Variants in COG4 observed in about 807,000 individuals in gnomAD.
COG4 encodes component of oligomeric golgi complex 4, also known as conserved oligomeric Golgi complex subunit 4.
Under a neutral mutation model 95.1 loss-of-function variants are expected in COG4, and 65 were observed. The ratio of observed to expected loss-of-function variants is 0.68; its 90% CI spans 0.56 to 0.84. COG4 has a LOEUF of 0.84. Ranked by LOEUF, COG4 falls within the 40% of genes least tolerant of loss-of-function variation. The pLI, the probability that COG4 is intolerant of heterozygous loss-of-function variation, is 0.00. For synonymous variants in COG4, 421 were observed against 374.8 expected (o/e 1.12, Z -1.42); for missense variants, 1,045 against 989.1 (o/e 1.06, Z -0.76).
intron 11 of COG4, 95 bp from the exon 12 acceptor site, chr16:70,496,526 G>T (rs2049343593): frequency 1.5e-6 from 2 of 1,299,178 alleles, no homozygotes; most frequent in Non-Finnish European, 2.2e-6. Context: ...AGCAGCACAA[G>T]GTGCTCTTTT....
rs371188403 is a variant in COG4 at position 70,498,410 on chromosome 16, C to A, written c.1196-355G>T. 3.2e-4 allele frequency among the ~76,000 whole-genome samples: 48 copies of A among 151,976 alleles called. No homozygotes were observed. The South Asian group carries it at 9.9e-3, about 31-fold the overall frequency. On this transcript the variant is annotated intron_variant, in intron 9 of 18. Transcript: ENST00000323786. ...ATGGCGTGATCTTGGCTCACCGCAA[C>A]CCCTGCCTCCCAGGTTCAAACAATT...
chr16:70,488,278 C>T (rs547511492), intron 13 of COG4, among the ~76,000 whole-genome samples: 35 of 151,926 alleles, frequency 2.3e-4, no homozygotes, highest in Non-Finnish European at 4.4e-4. Flanking sequence ...GTATTACAGG[C>T]GCCCGCCACC....
At chr16:70,516,576 G>T (rs967052931) in intron 3 of COG4, among the ~76,000 whole-genome samples, 1 of 152,028 alleles carries the variant, frequency 6.6e-6, no homozygotes. Context: ...GACTACAGGC[G>T]TGAGCCACCG....
At chr16:70,492,412 A>G (rs2049262255) in intron 12 of COG4, among the ~76,000 whole-genome samples, 1 of 152,146 alleles carries the variant, frequency 6.6e-6, no homozygotes, top group Non-Finnish European at 1.5e-5. Flanking sequence ...TAATCACAGC[A>G]GTTTGGGAGG....
chr16:70,498,040 A>G lies in COG4; in HGVS notation c.1211T>C (p.Leu404Pro). 6.2e-7 allele frequency: 1 copy of G among 1,612,222 alleles called. No homozygotes were observed. The highest frequency in any genetic ancestry group is 8.5e-7 in the Non-Finnish European group (1 of 1,178,228). Residue 404 changes from leucine (L) to proline (P), a missense_variant, in exon 10 of 19, where the codon CTG (leucine) becomes CCG (proline). Leu to Pro is a moderately conservative substitution (Grantham distance 98, BLOSUM62 -3). Transcript: ENST00000323786. Reference sequence around the variant, plus strand: ...AAGGCAGTTATTGAGGAGTTTGTCCAGACACTTCTGGTGCTCTAGGGGACA... The same window carrying G: ...AAGGCAGTTATTGAGGAGTTTGTCCGGACACTTCTGGTGCTCTAGGGGACA... ...EEVKQEHQKC[L>P]DKLLNNCLLS...
At chr16:70,500,815 T>C in intron 9 of COG4, 143 bp downstream of exon 9, 1 of 948,954 alleles carries the variant, frequency 1.1e-6, no homozygotes, top group Non-Finnish European at 1.7e-6. Context: ...TTTAGATTTC[T>C]TCCTGGGAGT....
intron 3 of COG4, 29 bp downstream of exon 3, chr16:70,517,597 A>G: frequency 8.5e-7 from 1 of 1,179,696 alleles, no homozygotes; most frequent in African/African-American, 1.6e-5. Context: ...CAAAAAAAAA[A>G]AAAAAAAAAA....
At chr16:70,492,467 T>C (rs1254771370) in intron 12 of COG4, among the ~76,000 whole-genome samples, 2 of 152,016 alleles carry the variant, frequency 1.3e-5, no homozygotes, top group Non-Finnish European at 2.9e-5. Flanking sequence ...GGGACTAGCC[T>C]GACCAACATG....
At chr16:70,522,066 T>C (rs2049957795) in intron 1 of COG4, among the ~76,000 whole-genome samples, 1 of 139,016 alleles carries the variant, frequency 7.2e-6, no homozygotes, top group Non-Finnish European at 1.6e-5. Flanking sequence ...GGCGCTATCT[T>C]GGTTCACTGC....
intron 13 of COG4, among the ~76,000 whole-genome samples, chr16:70,485,595 T>G (rs1015597619): frequency 2.8e-4 from 42 of 150,510 alleles, no homozygotes; most frequent in Admixed American, 1.8e-3. Flanking sequence ...TTGTTTTTTT[T>G]TTTTTTTTGA....
chr16:70,498,149 T>C, intron 9 of COG4, 94 bp from the exon 10 acceptor site: 1 of 769,506 alleles, frequency 1.3e-6, no homozygotes, highest in South Asian at 1.4e-5. Context: ...ATAGTCTTTC[T>C]TTGAAATATG....
intron 12 of COG4, among the ~76,000 whole-genome samples, chr16:70,496,058 C>A (rs1199958589): frequency 6.6e-6 from 1 of 152,194 alleles, no homozygotes; most frequent in African/African-American, 2.4e-5. Context: ...CAGCCTCTAT[C>A]GTGGCTCAGG....
At chr16:70,485,138 G>C (rs923466491) in intron 13 of COG4, among the ~76,000 whole-genome samples, 3 of 151,890 alleles carry the variant, frequency 2.0e-5, no homozygotes, top group Non-Finnish European at 4.4e-5. Flanking sequence ...GTGAGGCCAA[G>C]GTAGGAGGAT....
Position 70,496,320 on chromosome 16 carries a change from G to C in COG4, c.1593C>G (p.Gly531=). 2 of 1,614,172 alleles carry C rather than the reference G, an allele frequency of 1.2e-6. No homozygotes were observed. Among genetic ancestry groups the C allele is most frequent in the Non-Finnish European group, 1.7e-6 (2 of 1,180,040 alleles). The change falls in exon 12 of 19, where the codon GGC becomes GGG. Residue 531 remains glycine, a synonymous_variant. Transcript: ENST00000323786. ...TCTCGATGCCTTTTGTGTCAAATTT[G>C]CCTTGCTGGAGGCTGCTGTGCATGA... ...VNIMHSSLQQ[G]KFDTKGIEST... is the part of the protein sequence containing the mutation.
intron 13 of COG4, among the ~76,000 whole-genome samples, chr16:70,488,554 A>G (rs983361712): frequency 2.0e-5 from 3 of 150,970 alleles, no homozygotes; most frequent in Non-Finnish European, 3.0e-5. Context: ...CCACCCAGCT[A>G]TTGTTATTTT....
intron 8 of COG4, among the ~76,000 whole-genome samples, chr16:70,504,835 C>T (rs904144366): frequency 7.4e-5 from 11 of 149,178 alleles, no homozygotes; most frequent in Non-Finnish European, 1.0e-4. Context: ...TGCTTGAACC[C>T]GGGAGGCGTA....
At chr16:70,493,705 C>T (rs2049289313) in intron 12 of COG4, among the ~76,000 whole-genome samples, 1 of 152,096 alleles carries the variant, frequency 6.6e-6, no homozygotes, top group South Asian at 2.1e-4. Flanking sequence ...GACTTGGGTG[C>T]TCTGCTGCAG....
chr16:70,495,201 G>GC (rs1291967800), intron 12 of COG4, among the ~76,000 whole-genome samples: 8 of 150,106 alleles, frequency 5.3e-5, no homozygotes, highest in Non-Finnish European at 1.2e-4. Flanking sequence ...GACCAGCCTG[G>GC]CCAACATGGC....
Position 70,498,036 on chromosome 16 carries a change from G to T in COG4, c.1215C>A (p.Asp405Glu). ...TCAAAAGGCAGTTATTGAGGAGTTTGTCCAGACACTTCTGGTGCTCTAGGG... is the reference window on the plus strand; with the variant it reads ...TCAAAAGGCAGTTATTGAGGAGTTTTTCCAGACACTTCTGGTGCTCTAGGG... ...EVKQEHQKCL[D>E]KLLNNCLLSC... The change falls in exon 10 of 19, where the codon GAC (aspartate) becomes GAA (glutamate). Residue 405 changes from aspartate to glutamate, a missense_variant. Coordinates refer to ENST00000323786, the MANE Select transcript of COG4 (RefSeq NM_015386.3). The T allele has an allele frequency of 6.2e-7, 1 of 1,612,730 alleles. No homozygotes were observed. Among genetic ancestry groups the T allele is most frequent in the South Asian group, 1.1e-5 (1 of 91,058 alleles).
Sources: gnomAD v4.1 joint callset for allele counts (sites outside exome capture counted in the v4.1 genomes callset) on GRCh38, gnomAD v4.1.1 for gene constraint, MANE v1.5 for transcripts, NCBI Gene and HGNC (gene_info 2026-07-23, HGNC 2026-07-21) for gene names.